Variants in CAST observed in about 807,000 individuals in gnomAD.
CAST encodes calpastatin.
In CAST, 76 loss-of-function variants were observed where a neutral mutation model predicts 119.6. The observed-to-expected ratio is 0.64, with a 90% confidence interval of 0.53 to 0.77. The LOEUF (loss-of-function observed/expected upper bound fraction) is 0.77, where lower values mean the gene tolerates loss of function less well. Ranked by LOEUF, CAST falls within the 30% of genes least tolerant of loss-of-function variation. The pLI, the probability that CAST is intolerant of heterozygous loss-of-function variation, is 0.00. For missense variants in CAST, 953 were observed against 946.5 expected, an observed-to-expected ratio of 1.01 and a Z score of -0.09; for synonymous variants, 319 against 331.6, an observed-to-expected ratio of 0.96 and a Z score of 0.41.
chr5:96,392,466 G>A, the CAST span: 8 of 154,798 alleles, frequency 5.2e-5, no homozygotes, highest in Admixed American at 3.2e-4. Context: ...TTGACTACAG[G>A]AATGAGTGGC....
the CAST span, among the ~76,000 whole-genome samples, chr5:96,306,981 C>T: frequency 6.6e-6 from 1 of 152,156 alleles, no homozygotes; most frequent in Non-Finnish European, 1.5e-5. Flanking sequence ...TGTTCCAGAG[C>T]TGAGTTCAAG....
the CAST span, among the ~76,000 whole-genome samples, chr5:96,294,255 T>C: frequency 6.6e-6 from 1 of 152,224 alleles, no homozygotes; most frequent in African/African-American, 2.4e-5. Context: ...TTCCTATATA[T>C]AACTCTTTTG....
the CAST span, among the ~76,000 whole-genome samples, chr5:96,165,018 G>T: frequency 6.6e-6 from 1 of 152,098 alleles, no homozygotes; most frequent in African/African-American, 2.4e-5. Flanking sequence ...ATACTGAAGA[G>T]CTGTCATTTG....
the CAST span, among the ~76,000 whole-genome samples, chr5:96,105,561 A>C: frequency 6.6e-6 from 1 of 152,224 alleles, no homozygotes; most frequent in Non-Finnish European, 1.5e-5. Context: ...ATATTGAACC[A>C]GCCTTGCATC....
intron 9 of CAST, among the ~76,000 whole-genome samples, chr5:96,733,883 A>C (rs1392729110): frequency 6.6e-6 from 1 of 152,212 alleles, no homozygotes. Context: ...GTCTCAAAAA[A>C]ATAAAATAAA....
chr5:96,436,898 C>A, the CAST span, among the ~76,000 whole-genome samples: 1 of 152,082 alleles, frequency 6.6e-6, no homozygotes, highest in East Asian at 1.9e-4. Flanking sequence ...GTGTGCTATG[C>A]TAATTAAGTA....
At chr5:96,700,875 C>G (rs538485369) in intron 3 of CAST, among the ~76,000 whole-genome samples, 4 of 152,130 alleles carry the variant, frequency 2.6e-5, no homozygotes, top group African/African-American at 9.6e-5. Flanking sequence ...TGCCTTCACT[C>G]TAAGGAAAGG....
chr5:96,359,537 A>G, the CAST span, among the ~76,000 whole-genome samples: 1 of 152,160 alleles, frequency 6.6e-6, no homozygotes, highest in African/African-American at 2.4e-5. Context: ...GGTGGTGACA[A>G]AATCTCTCAG....
the CAST span, chr5:96,425,934 C>T: frequency 2.5e-6 from 4 of 1,574,360 alleles, no homozygotes; most frequent in Non-Finnish European, 3.5e-6. Context: ...ATATCACCTA[C>T]AAGGATTTTT....
chr5:96,262,915 C>G, the CAST span, among the ~76,000 whole-genome samples: 1 of 152,168 alleles, frequency 6.6e-6, no homozygotes, highest in Non-Finnish European at 1.5e-5. Flanking sequence ...TCCACCCCAA[C>G]TCTTCCTCCT....
chr5:96,484,940 A>C, the CAST span, among the ~76,000 whole-genome samples: 4 of 152,172 alleles, frequency 2.6e-5, no homozygotes, highest in Admixed American at 2.0e-4. Flanking sequence ...CAATAGCTAC[A>C]CACATATCCA....
the CAST span, chr5:96,399,843 C>A: frequency 1.2e-6 from 1 of 821,496 alleles, no homozygotes; most frequent in South Asian, 1.5e-5. Flanking sequence ...AAAATTCCAC[C>A]TCCATCTACT....
chr5:96,162,135 C>G, the CAST span, among the ~76,000 whole-genome samples: 1 of 152,146 alleles, frequency 6.6e-6, no homozygotes, highest in African/African-American at 2.4e-5. Flanking sequence ...CTGGCTAGAA[C>G]CTCTAGTACA....
At chr5:96,096,911 A>G in the CAST span, among the ~76,000 whole-genome samples, 2 of 152,200 alleles carry the variant, frequency 1.3e-5, no homozygotes, top group Admixed American at 6.5e-5. Context: ...ATTCTTGCCA[A>G]TAGACTCCTG....
At chr5:96,444,191 A>C in the CAST span, among the ~76,000 whole-genome samples, 1 of 152,202 alleles carries the variant, frequency 6.6e-6, no homozygotes, top group Non-Finnish European at 1.5e-5. Context: ...CATTCTTTGC[A>C]CTAGTCTGTG....
At chr5:96,362,223 C>T in the CAST span, among the ~76,000 whole-genome samples, 3 of 152,076 alleles carry the variant, frequency 2.0e-5, no homozygotes, top group Non-Finnish European at 4.4e-5. Flanking sequence ...TTTCTTAATC[C>T]AGTCTATCAT....
At chr5:96,055,885 A>C in the CAST span, among the ~76,000 whole-genome samples, 1 of 152,060 alleles carries the variant, frequency 6.6e-6, no homozygotes, top group African/African-American at 2.4e-5. Context: ...GTTGATGATA[A>C]ACTTTTAAAA....
At chr5:96,412,526 G>A in the CAST span, 1 of 1,582,802 alleles carries the variant, frequency 6.3e-7, no homozygotes, top group Middle Eastern at 1.7e-4. Flanking sequence ...CACAAAGGTT[G>A]ATGTCAGTAT....
chr5:96,300,834 A>ATTTTTT, the CAST span, among the ~76,000 whole-genome samples: 2 of 52,448 alleles, frequency 3.8e-5, no homozygotes, highest in Non-Finnish European at 3.8e-5. Context: ...ATTCCTAAGC[A>ATTTTTT]TTTTTTTTTT....
Sources: gnomAD v4.1 joint callset for allele counts (sites outside exome capture counted in the v4.1 genomes callset) on GRCh38, gnomAD v4.1.1 for gene constraint, MANE v1.5 for transcripts, NCBI Gene and HGNC (gene_info 2026-07-23, HGNC 2026-07-21) for gene names.